C12orf42: variants seen among roughly 807,000 people sequenced by gnomAD.
The protein encoded by C12orf42 is uncharacterized protein C12orf42.
Under a neutral mutation model 21.6 loss-of-function variants are expected in C12orf42, and 25 were observed. The ratio of observed to expected loss-of-function variants is 1.16; its 90% CI spans 0.84 to 1.62. The LOEUF (loss-of-function observed/expected upper bound fraction) is 1.62. Ranked by LOEUF, C12orf42 falls within the 40% of genes most tolerant of loss-of-function variation. C12orf42 has a pLI of 0.00. For missense variants in C12orf42, 483 were observed against 459.3 expected, an observed-to-expected ratio of 1.05 and a Z score of -0.47; for synonymous variants, 174 against 175.0, an observed-to-expected ratio of 0.99 and a Z score of 0.05.
the C12orf42 span, among the ~76,000 whole-genome samples, chr12:103,150,630 T>A: frequency 1.3e-5 from 2 of 152,098 alleles, no homozygotes; most frequent in Admixed American, 1.3e-4. Flanking sequence ...TACTAAAGGG[T>A]GGCCCAAGAG....
the C12orf42 span, among the ~76,000 whole-genome samples, chr12:103,161,277 GGGATTGAAAA>G: frequency 6.6e-6 from 1 of 152,042 alleles, no homozygotes; most frequent in Non-Finnish European, 1.5e-5. Flanking sequence ...ATTGAAAGGT[GGGATTGAAAA>G]AGTGTCCTTT....
intron 10 of C12orf42, among the ~76,000 whole-genome samples, chr12:103,241,414 C>G (rs373264591): frequency 6.6e-6 from 1 of 152,090 alleles, no homozygotes; most frequent in Non-Finnish European, 1.5e-5. Flanking sequence ...TAACCACGTC[C>G]GGTGGCTGCA....
At chr12:103,512,196 T>A in the C12orf42 span, among the ~76,000 whole-genome samples, 1 of 152,182 alleles carries the variant, frequency 6.6e-6, no homozygotes, top group African/African-American at 2.4e-5. Context: ...AAATGGTCTA[T>A]GTGCACAGAA....
chr12:103,516,140 A>G, the C12orf42 span, among the ~76,000 whole-genome samples: 8 of 152,352 alleles, frequency 5.3e-5, no homozygotes, highest in South Asian at 2.1e-4. Flanking sequence ...GTGCCATTTA[A>G]TATTTACCAT....
At chr12:103,126,746 G>T in the C12orf42 span, among the ~76,000 whole-genome samples, 1 of 149,704 alleles carries the variant, frequency 6.7e-6, no homozygotes, top group African/African-American at 2.4e-5. Flanking sequence ...CGTTTTTTCC[G>T]AAATAAGACT....
chr12:103,246,822 C>T (rs755010884), intron 10 of C12orf42, among the ~76,000 whole-genome samples: 16 of 151,942 alleles, frequency 1.1e-4, no homozygotes, highest in Non-Finnish European at 1.8e-4. Flanking sequence ...AGCTTTCTTC[C>T]CTACTCAGTG....
the C12orf42 span, among the ~76,000 whole-genome samples, chr12:103,203,516 C>T: frequency 6.6e-6 from 1 of 152,156 alleles, no homozygotes; most frequent in South Asian, 2.1e-4. Flanking sequence ...AATGTCCACT[C>T]TGGGTTAATT....
the C12orf42 span, among the ~76,000 whole-genome samples, chr12:103,163,494 C>G: frequency 6.6e-6 from 1 of 152,144 alleles, no homozygotes; most frequent in Admixed American, 6.5e-5. Context: ...GGCTGGATGG[C>G]AGTGAGCTCA....
At chr12:103,515,970 T>C in the C12orf42 span, among the ~76,000 whole-genome samples, 3 of 152,220 alleles carry the variant, frequency 2.0e-5, no homozygotes, top group Non-Finnish European at 4.4e-5. Flanking sequence ...TGAGAGTAGA[T>C]GCACGTGCTG....
the C12orf42 span, among the ~76,000 whole-genome samples, chr12:103,156,707 T>C: frequency 1.3e-5 from 2 of 152,134 alleles, no homozygotes; most frequent in Admixed American, 6.5e-5. Flanking sequence ...CTCCCACTTA[T>C]GAGTGAGAAT....
intron 2 of C12orf42, among the ~76,000 whole-genome samples, chr12:103,405,720 T>A (rs2048375347): frequency 2.0e-5 from 3 of 152,214 alleles, no homozygotes; most frequent in Admixed American, 6.5e-5. Flanking sequence ...CCTCTGAGAC[T>A]GGAACGGAAA....
chr12:103,292,545 C>T (rs889908137), intron 4 of C12orf42, among the ~76,000 whole-genome samples: 3 of 152,012 alleles, frequency 2.0e-5, no homozygotes, highest in Non-Finnish European at 2.9e-5. Flanking sequence ...AGAATAGTGT[C>T]TAACATACAG....
At chr12:103,381,743 C>T (rs1359387833) in intron 3 of C12orf42, among the ~76,000 whole-genome samples, 1 of 152,074 alleles carries the variant, frequency 6.6e-6, no homozygotes, top group African/African-American at 2.4e-5. Flanking sequence ...TGGTGAAACC[C>T]CGTCTCTACT....
At chr12:103,518,046 A>G in the C12orf42 span, among the ~76,000 whole-genome samples, 1 of 152,180 alleles carries the variant, frequency 6.6e-6, no homozygotes, top group Non-Finnish European at 1.5e-5. Flanking sequence ...ATGCCACTGA[A>G]GGCCCAGCAG....
intron 4 of C12orf42, among the ~76,000 whole-genome samples, chr12:103,308,072 C>G (rs149304118): frequency 3.3e-5 from 5 of 152,232 alleles, no homozygotes; most frequent in African/African-American, 9.6e-5. Flanking sequence ...AAAAAATTCT[C>G]TAGGTTTACT....
the C12orf42 span, among the ~76,000 whole-genome samples, chr12:103,517,639 G>A: frequency 6.6e-6 from 1 of 152,112 alleles, no homozygotes; most frequent in East Asian, 1.9e-4. Context: ...TACAAGAGAG[G>A]ATGGCCTTTG....
At chr12:103,357,221 C>T (rs1360037582) in intron 4 of C12orf42, among the ~76,000 whole-genome samples, 1 of 151,392 alleles carries the variant, frequency 6.6e-6, no homozygotes, top group African/African-American at 2.4e-5. Flanking sequence ...GGGTGCAGCA[C>T]ACCAGCATGG....
At chr12:103,245,171 T>C (rs2033949614) in intron 10 of C12orf42, among the ~76,000 whole-genome samples, 1 of 152,122 alleles carries the variant, frequency 6.6e-6, no homozygotes, top group Admixed American at 6.6e-5. Context: ...TAACTAATAC[T>C]ATTATGTTGA....
the C12orf42 span, among the ~76,000 whole-genome samples, chr12:103,149,581 T>C: frequency 7.3e-6 from 1 of 136,094 alleles, no homozygotes; most frequent in Non-Finnish European, 1.6e-5. Flanking sequence ...TGGGGGCGGT[T>C]TCCCCCATGT....
Sources: allele counts gnomAD v4.1 joint callset (sites outside exome capture counted in the v4.1 genomes callset), GRCh38; gene constraint gnomAD v4.1.1; transcripts MANE v1.5; gene names NCBI Gene and HGNC (gene_info 2026-07-23, HGNC 2026-07-21).